Variants in CSMD1 observed in about 807,000 individuals in gnomAD.
CSMD1 encodes the protein CUB and Sushi multiple domains 1, also known as CUB and sushi domain-containing protein 1.
In CSMD1, 213 loss-of-function variants were observed where a neutral mutation model predicts 417.5. That is an observed-to-expected ratio of 0.51 (90% confidence interval 0.46 to 0.57). The LOEUF (loss-of-function observed/expected upper bound fraction) is 0.57, where lower values mean the gene tolerates loss of function less well. Among genes scored for constraint, CSMD1 ranks in the 20% least tolerant of loss-of-function variants. CSMD1 has a pLI of 0.00. For missense variants in CSMD1, 6,923 were observed against 4,529.7 expected, an observed-to-expected ratio of 1.53 and a Z score of -15.17; for synonymous variants, 2,862 against 1,736.8, an observed-to-expected ratio of 1.65 and a Z score of -16.11.
chr8:4,208,262 A>T (rs1045409246), intron 3 of CSMD1, among the ~76,000 whole-genome samples: 14 of 152,166 alleles, frequency 9.2e-5, no homozygotes, highest in Admixed American at 6.5e-4. Flanking sequence ...CTTCTCGGTC[A>T]AATACACAGA....
At chr8:3,226,759 G>T (rs1056557664) in intron 27 of CSMD1, among the ~76,000 whole-genome samples, 1 of 152,024 alleles carries the variant, frequency 6.6e-6, no homozygotes, top group African/African-American at 2.4e-5. Context: ...AACAGCAATG[G>T]CAGGTGTTGA....
chr8:3,574,052 C>A (rs1219307411), intron 10 of CSMD1, among the ~76,000 whole-genome samples: 1 of 151,970 alleles, frequency 6.6e-6, no homozygotes, highest in African/African-American at 2.4e-5. Flanking sequence ...AACATAATTG[C>A]AAACTATGTA....
intron 10 of CSMD1, among the ~76,000 whole-genome samples, chr8:3,521,489 G>C (rs1222327214): frequency 6.6e-6 from 1 of 152,086 alleles, no homozygotes; most frequent in African/African-American, 2.4e-5. Context: ...CCTTGCTGTG[G>C]TCATGCCGGT....
At chr8:4,848,775 C>A (rs1328941443) in intron 1 of CSMD1, among the ~76,000 whole-genome samples, 1 of 152,160 alleles carries the variant, frequency 6.6e-6, no homozygotes, top group Non-Finnish European at 1.5e-5. Context: ...GACTGCTGAC[C>A]TCAGGTGATT....
intron 2 of CSMD1, among the ~76,000 whole-genome samples, chr8:4,462,214 G>A (rs1799878378): frequency 6.6e-6 from 1 of 151,976 alleles, no homozygotes; most frequent in Non-Finnish European, 1.5e-5. Context: ...GTAATAAGCT[G>A]AACATGAAAT....
In CSMD1 at chr8:3,263,529, A is replaced by G. The variant is rs548565398; in HGVS notation, c.4153+20615T>C. Reference sequence around the variant, plus strand: ...ATTGGAAAGAGAATATTACTGGTCTATAGTAAATGTTCATTTTTGGTAATA... The same window carrying G: ...ATTGGAAAGAGAATATTACTGGTCTGTAGTAAATGTTCATTTTTGGTAATA... On this transcript the variant is annotated intron_variant, in intron 26 of 69. Coordinates refer to ENST00000635120, the MANE Select transcript of CSMD1 (RefSeq NM_033225.6). Among the ~76,000 whole-genome samples, 7 of 152,326 alleles carry G rather than the reference A, an allele frequency of 4.6e-5. No homozygotes were observed. The East Asian group carries it at 7.7e-4, about 17-fold the overall frequency.
chr8:4,744,446 C>T (rs561704012), intron 1 of CSMD1, among the ~76,000 whole-genome samples: 12 of 152,178 alleles, frequency 7.9e-5, no homozygotes, highest in Non-Finnish European at 1.5e-5. Flanking sequence ...GGGTCTGCGG[C>T]ACTGTCCCAA....
intron 3 of CSMD1, among the ~76,000 whole-genome samples, chr8:4,378,674 C>G (rs938955477): frequency 6.6e-6 from 1 of 152,178 alleles, no homozygotes; most frequent in African/African-American, 2.4e-5. Flanking sequence ...CATCCCCTTC[C>G]TGTCCCTGCT....
intron 9 of CSMD1, among the ~76,000 whole-genome samples, chr8:3,575,494 C>A (rs1002436087): frequency 3.9e-5 from 6 of 152,184 alleles, no homozygotes; most frequent in African/African-American, 1.4e-4. Context: ...GAGTGCAATT[C>A]AACCAGAGTT....
In CSMD1 at chr8:2,935,755, T is replaced by G. The variant is rs1801411021; in HGVS notation, c.*2830A>C. On this transcript the variant is annotated 3_prime_UTR_variant, in exon 70 of 70. Coordinates refer to ENST00000635120, the MANE Select transcript of CSMD1 (RefSeq NM_033225.6). ...GGAGGGTCGGCGATGACAATGGGTTTTCCTGATCATAATGCCAGCGTTCTT... is the reference window on the plus strand; with the variant it reads ...GGAGGGTCGGCGATGACAATGGGTTGTCCTGATCATAATGCCAGCGTTCTT... 1 of 152,182 alleles carries G rather than the reference T, an allele frequency of 6.6e-6. No individual in the cohort carries two copies. The highest frequency in any genetic ancestry group is 1.5e-5 in the Non-Finnish European group (1 of 68,044). The allele number at this position is 152,182 out of a possible 1,614,324, so 9.4% of individuals were successfully genotyped here. A position where few individuals can be genotyped will look rare whatever the true frequency, so the allele number is the denominator to read the frequency against.
intron 2 of CSMD1, among the ~76,000 whole-genome samples, chr8:4,469,374 G>A (rs1427048764): frequency 1.3e-5 from 2 of 152,114 alleles, no homozygotes; most frequent in African/African-American, 4.8e-5. Flanking sequence ...ACCAAATCAA[G>A]GTGCAAAACG....
chr8:4,903,003 T>C (rs1014532130), intron 1 of CSMD1, among the ~76,000 whole-genome samples: 2 of 131,182 alleles, frequency 1.5e-5, no homozygotes, highest in African/African-American at 6.4e-5. Context: ...TGATAAATAA[T>C]ATTAATAATA....
intron 1 of CSMD1, among the ~76,000 whole-genome samples, chr8:4,753,142 C>T (rs1173078152): frequency 6.6e-6 from 1 of 152,100 alleles, no homozygotes; most frequent in Non-Finnish European, 1.5e-5. Flanking sequence ...GCTTAGAAAG[C>T]TGAAGTCACT....
chr8:3,925,113 A>G (rs993670629), intron 5 of CSMD1, among the ~76,000 whole-genome samples: 3 of 152,162 alleles, frequency 2.0e-5, no homozygotes, highest in Non-Finnish European at 2.9e-5. Flanking sequence ...CCAGTCAGTA[A>G]AGAGAGCCTG....
rs1815331712 is a variant in CSMD1 at position 3,997,809 on chromosome 8, A to T, written c.818+94T>A. 3 of 1,139,968 alleles carry T rather than the reference A, an allele frequency of 2.6e-6. No individual in the cohort carries two copies. In the East Asian group the frequency reaches 7.7e-5, roughly 29 times the overall value. The allele number at this position is 1,139,968 out of a possible 1,614,324, so 70.6% of individuals were successfully genotyped here. On this transcript the variant is annotated intron_variant, in intron 5 of 69. Coordinates refer to ENST00000635120, the MANE Select transcript of CSMD1 (RefSeq NM_033225.6). The stretch of plus-strand genomic sequence containing the variant: ...AAAGGAACACACATGCTTGCCCATG[A>T]ACGTCCAGAGACAAGCAATTCTTGA...
At chr8:4,338,211 A>G (rs1337059123) in intron 3 of CSMD1, among the ~76,000 whole-genome samples, 1 of 152,170 alleles carries the variant, frequency 6.6e-6, no homozygotes, top group African/African-American at 2.4e-5. Flanking sequence ...GATGCATGTC[A>G]TAGTTCTTGC....
intron 5 of CSMD1, among the ~76,000 whole-genome samples, chr8:3,868,416 G>C (rs965197052): frequency 4.6e-5 from 7 of 152,150 alleles, no homozygotes; most frequent in African/African-American, 1.4e-4. Flanking sequence ...TCCACACAAG[G>C]GCAGCTGGGG....
intron 8 of CSMD1, among the ~76,000 whole-genome samples, chr8:3,593,250 C>T (rs111889830): frequency 7.8e-4 from 119 of 152,300 alleles, no homozygotes; most frequent in African/African-American, 2.6e-3. Flanking sequence ...ACAGAACCCC[C>T]GCGTTGTGTC....
At chr8:4,331,251 G>C (rs759895870) in intron 3 of CSMD1, among the ~76,000 whole-genome samples, 2 of 152,116 alleles carry the variant, frequency 1.3e-5, no homozygotes, top group Non-Finnish European at 1.5e-5. Context: ...CTCTTTCAGA[G>C]AGAAGCCAGG....
Sources: allele counts gnomAD v4.1 joint callset (sites outside exome capture counted in the v4.1 genomes callset), GRCh38; gene constraint gnomAD v4.1.1; transcripts MANE v1.5; gene names NCBI Gene and HGNC (gene_info 2026-07-23, HGNC 2026-07-21).